The following MYRIP variants were observed in gnomAD, a reference collection of about 807,000 sequenced individuals.
MYRIP encodes the protein myosin VIIA and Rab interacting protein, also known as rab effector MyRIP.
In MYRIP, 49 loss-of-function variants were observed where a neutral mutation model predicts 98.0. That is an observed-to-expected ratio of 0.50 (90% CI 0.40 to 0.63). MYRIP has a LOEUF of 0.63. MYRIP is among the 30% of genes least tolerant of loss of function. The pLI is 0.00. For missense variants in MYRIP, 1,004 were observed against 1,058.2 expected, an observed-to-expected ratio of 0.95 and a Z score of 0.71; for synonymous variants, 404 against 409.5, an observed-to-expected ratio of 0.99 and a Z score of 0.16.
chr3:40,009,811 A>G (rs531858680), intron 2 of MYRIP, among the ~76,000 whole-genome samples: 1 of 152,330 alleles, frequency 6.6e-6, no homozygotes, highest in Non-Finnish European at 1.5e-5. Context: ...AGGTTCTGTG[A>G]ATGCATACTT....
At chr3:39,880,910 T>C (rs1286415636) in intron 1 of MYRIP, among the ~76,000 whole-genome samples, 1 of 152,170 alleles carries the variant, frequency 6.6e-6, no homozygotes, top group Non-Finnish European at 1.5e-5. Flanking sequence ...TTTGCATAAT[T>C]TTAAAAATAA....
intron 1 of MYRIP, among the ~76,000 whole-genome samples, chr3:39,842,759 C>A (rs6797398): frequency 2.0e-5 from 3 of 152,244 alleles, no homozygotes; most frequent in South Asian, 2.1e-4. Flanking sequence ...GATTACCCCC[C>A]CTGCTTCTGT....
chr3:40,077,341 A>T (rs1180814120), intron 3 of MYRIP, among the ~76,000 whole-genome samples: 1 of 152,142 alleles, frequency 6.6e-6, no homozygotes, highest in Admixed American at 6.5e-5. Context: ...CCCCACCCAC[A>T]TCCTGCTGAT....
intron 4 of MYRIP, among the ~76,000 whole-genome samples, chr3:40,160,713 C>T (rs1950370673): frequency 6.6e-6 from 1 of 152,232 alleles, no homozygotes; most frequent in African/African-American, 2.4e-5. Context: ...ATTTTTTAAG[C>T]CTGTCGGAAA....
At chr3:40,206,427 T>C (rs1350161713) in intron 10 of MYRIP, among the ~76,000 whole-genome samples, 1 of 152,178 alleles carries the variant, frequency 6.6e-6, no homozygotes, top group Admixed American at 6.5e-5. Flanking sequence ...CGATTTGTCT[T>C]TCTGTGAACT....
At chr3:40,192,309 C>CATATATATATAT (rs763879430) in intron 10 of MYRIP, among the ~76,000 whole-genome samples, 2 of 57,954 alleles carry the variant, frequency 3.5e-5, no homozygotes, top group Non-Finnish European at 5.6e-5. Flanking sequence ...TAGTTTTCTT[C>CATATATATATAT]ATATATATAT....
chr3:39,937,972 G>A (rs1944695932), intron 2 of MYRIP, among the ~76,000 whole-genome samples: 1 of 152,152 alleles, frequency 6.6e-6, no homozygotes, highest in Non-Finnish European at 1.5e-5. Flanking sequence ...GAGAGAAGTA[G>A]GGATGAGAGT....
intron 1 of MYRIP, among the ~76,000 whole-genome samples, chr3:39,841,651 C>T (rs891986052): frequency 1.3e-5 from 2 of 152,142 alleles, no homozygotes; most frequent in African/African-American, 2.4e-5. Flanking sequence ...CATTGGGGTC[C>T]TTTTTGCTGA....
intron 2 of MYRIP, among the ~76,000 whole-genome samples, chr3:39,911,810 C>G (rs1305475512): frequency 6.6e-6 from 1 of 152,202 alleles, no homozygotes; most frequent in Admixed American, 6.5e-5. Context: ...TTCTCACAGG[C>G]TCCTTCAGTG....
chr3:39,930,871 AT>A (rs1274174743), intron 2 of MYRIP, among the ~76,000 whole-genome samples: 1 of 152,016 alleles, frequency 6.6e-6, no homozygotes, highest in African/African-American at 2.4e-5. Context: ...ATTCCATTAC[AT>A]TGAGCTATGT....
chr3:39,846,491 C>G (rs1054888247), intron 1 of MYRIP, among the ~76,000 whole-genome samples: 4 of 152,136 alleles, frequency 2.6e-5, no homozygotes, highest in African/African-American at 9.7e-5. Flanking sequence ...TTCCCTTTCT[C>G]TCTCCCAAGT....
At chr3:40,204,013 A>G (rs1264507682) in intron 10 of MYRIP, among the ~76,000 whole-genome samples, 1 of 6,550 alleles carries the variant, frequency 1.5e-4, no homozygotes, top group African/African-American at 2.9e-4. Context: ...TATATTATAT[A>G]TAATATATAT....
chr3:40,010,337 C>A (rs1575462250), intron 2 of MYRIP, among the ~76,000 whole-genome samples: 3 of 152,176 alleles, frequency 2.0e-5, no homozygotes, highest in Admixed American at 2.0e-4. Flanking sequence ...GACAGCAGAG[C>A]TTCCTGTGCC....
chr3:39,974,667 C>A lies in MYRIP; in HGVS notation c.111-69383C>A, dbSNP rs1437082553. On this transcript the variant is annotated intron_variant, in intron 2 of 16. Transcript: ENST00000302541. ...AATCCTCAATAAAATACTGGCAAAC[C>A]AAATCCAGCAGCACATCAAGAAACT... is the stretch of plus-strand genomic sequence containing the variant. Among the ~76,000 whole-genome samples the A allele has an allele frequency of 7.2e-5, 11 of 152,218 alleles. No homozygotes were observed. The South Asian group carries it at 1.5e-3, about 20-fold the overall frequency.
chr3:39,874,509 C>T (rs1308161558), intron 1 of MYRIP, among the ~76,000 whole-genome samples: 3 of 152,090 alleles, frequency 2.0e-5, no homozygotes, highest in African/African-American at 7.2e-5. Flanking sequence ...TTTTGAGATA[C>T]GTCCCATCAA....
At chr3:40,216,977 ATT>A (rs1249697478) in intron 11 of MYRIP, among the ~76,000 whole-genome samples, 2 of 152,186 alleles carry the variant, frequency 1.3e-5, no homozygotes, top group Admixed American at 6.6e-5. Flanking sequence ...TGGCTTTAAG[ATT>A]TGTTTTAAAT....
intron 1 of MYRIP, among the ~76,000 whole-genome samples, chr3:39,870,361 C>G (rs73826802): frequency 2.2e-5 from 1 of 44,574 alleles, no homozygotes; most frequent in Admixed American, 1.9e-4. Context: ...TTGTTCCATT[C>G]TTCCAATTTG....
intron 1 of MYRIP, among the ~76,000 whole-genome samples, chr3:39,850,458 C>G (rs1196941848): frequency 6.6e-6 from 1 of 152,194 alleles, no homozygotes; most frequent in Admixed American, 6.5e-5. Context: ...ATATAAAAAC[C>G]AAGGCTCTGC....
At chr3:39,953,380 A>G (rs1449322522) in intron 2 of MYRIP, among the ~76,000 whole-genome samples, 1 of 152,138 alleles carries the variant, frequency 6.6e-6, no homozygotes, top group Non-Finnish European at 1.5e-5. Flanking sequence ...TCACTTTTGG[A>G]GAGAACTGGC....
Sources: allele counts gnomAD v4.1 joint callset (sites outside exome capture counted in the v4.1 genomes callset), GRCh38; gene constraint gnomAD v4.1.1; transcripts MANE v1.5; gene names NCBI Gene and HGNC (gene_info 2026-07-23, HGNC 2026-07-21).